Variants in SOX5 observed in about 807,000 individuals in gnomAD.
SOX5 encodes the protein SRY-box transcription factor 5, also known as transcription factor SOX-5.
Under a neutral mutation model 92.0 loss-of-function variants are expected in SOX5, and 9 were observed. The observed-to-expected ratio is 0.10, with a 90% CI of 0.06 to 0.17. The LOEUF (loss-of-function observed/expected upper bound fraction) is 0.17. SOX5 is among the 10% of genes least tolerant of loss of function. The pLI is 1.00. For synonymous variants in SOX5, 344 were observed against 336.3 expected (o/e 1.02, Z -0.25); for missense variants, 642 against 944.5 (o/e 0.68, Z 4.20).
intron 1 of SOX5, among the ~76,000 whole-genome samples, chr12:24,539,126 C>T (rs1045736946): frequency 6.6e-6 from 1 of 151,864 alleles, no homozygotes; most frequent in Non-Finnish European, 1.5e-5. Context: ...TTTACAAAAA[C>T]AAATTAGCCA....
chr12:24,087,245 T>C (rs4963744), intron 4 of SOX5, among the ~76,000 whole-genome samples: 31,707 of 151,886 alleles, frequency 0.21, 3,872 homozygotes, highest in Middle Eastern at 0.37. Flanking sequence ...TTCCAGGAAT[T>C]GCCAAAATTT....
At chr12:24,551,928 C>T (rs941387976) in intron 1 of SOX5, among the ~76,000 whole-genome samples, 1 of 152,174 alleles carries the variant, frequency 6.6e-6, no homozygotes, top group African/African-American at 2.4e-5. Context: ...TCTTTAGGCA[C>T]CCACTATGTC....
At chr12:23,588,963 G>T (rs1951137346) in intron 9 of SOX5, among the ~76,000 whole-genome samples, 1 of 151,904 alleles carries the variant, frequency 6.6e-6, no homozygotes, top group African/African-American at 2.4e-5. Context: ...CAGCCTAGAA[G>T]TAATAGGCTG....
chr12:23,621,846 A>C (rs1037340478), intron 8 of SOX5, among the ~76,000 whole-genome samples: 1 of 152,148 alleles, frequency 6.6e-6, no homozygotes, highest in African/African-American at 2.4e-5. Context: ...TTTGCTAGTC[A>C]CACCGTAAAA....
At chr12:24,506,991 C>T (rs1948852363) in intron 1 of SOX5, among the ~76,000 whole-genome samples, 1 of 151,720 alleles carries the variant, frequency 6.6e-6, no homozygotes, top group South Asian at 2.1e-4. Flanking sequence ...GGGGTTTCAC[C>T]TTGTTAGCCA....
At chr12:24,340,879 G>A (rs1013785285) in intron 2 of SOX5, among the ~76,000 whole-genome samples, 7 of 152,096 alleles carry the variant, frequency 4.6e-5, no homozygotes, top group Admixed American at 1.3e-4. Flanking sequence ...TCATTTTGAC[G>A]AAGTGCACAT....
intron 3 of SOX5, among the ~76,000 whole-genome samples, chr12:23,834,158 A>T (rs1325510228): frequency 6.6e-6 from 1 of 151,998 alleles, no homozygotes; most frequent in Non-Finnish European, 1.5e-5. Flanking sequence ...ATAAAAATTC[A>T]TCAGGTAGGT....
intron 3 of SOX5, among the ~76,000 whole-genome samples, chr12:24,240,595 C>T (rs779633135): frequency 1.7e-4 from 26 of 152,054 alleles, no homozygotes; most frequent in Non-Finnish European, 3.5e-4. Flanking sequence ...ATTGAGGTAC[C>T]CTTTTCCCTC....
intron 4 of SOX5, among the ~76,000 whole-genome samples, chr12:24,038,442 G>C (rs1466890778): frequency 6.6e-6 from 1 of 152,134 alleles, no homozygotes; most frequent in Non-Finnish European, 1.5e-5. Context: ...GACTGGGCTT[G>C]GGAAGTTCCC....
intron 9 of SOX5, among the ~76,000 whole-genome samples, chr12:23,597,284 C>T (rs149066975): frequency 8.5e-4 from 129 of 152,290 alleles, no homozygotes; most frequent in African/African-American, 2.9e-3. Context: ...TTTCATTTAA[C>T]GCTGAGATTA....
chr12:24,060,059 G>C (rs147219678), intron 4 of SOX5, among the ~76,000 whole-genome samples: 34 of 152,302 alleles, frequency 2.2e-4, no homozygotes, highest in African/African-American at 7.5e-4. Context: ...TTTGTGCCTA[G>C]AGTAAATCAG....
chr12:23,589,542 G>A (rs1351094453), intron 9 of SOX5, among the ~76,000 whole-genome samples: 10 of 151,740 alleles, frequency 6.6e-5, no homozygotes, highest in African/African-American at 2.4e-4. Flanking sequence ...ATCAGAACCA[G>A]GGCAAAAAGA....
chr12:24,455,187 T>A (rs1335077104), intron 1 of SOX5, among the ~76,000 whole-genome samples: 1 of 152,126 alleles, frequency 6.6e-6, no homozygotes, highest in Non-Finnish European at 1.5e-5. Flanking sequence ...GGTTAATCCA[T>A]TGCACAGGAG....
intron 2 of SOX5, among the ~76,000 whole-genome samples, chr12:23,868,673 T>A (rs2096841241): frequency 6.6e-6 from 1 of 152,050 alleles, no homozygotes; most frequent in South Asian, 2.1e-4. Context: ...CTTGGAGGGA[T>A]TTTCTTAAAC....
At chr12:23,981,562 A>C (rs769135511) in intron 4 of SOX5, among the ~76,000 whole-genome samples, 2 of 152,176 alleles carry the variant, frequency 1.3e-5, no homozygotes, top group Non-Finnish European at 2.9e-5. Context: ...ACACATATGC[A>C]CTTATGAAGA....
At chr12:23,766,325 A>G (rs2094724954) in intron 3 of SOX5, among the ~76,000 whole-genome samples, 1 of 152,164 alleles carries the variant, frequency 6.6e-6, no homozygotes, top group African/African-American at 2.4e-5. Context: ...AATTAGTTCA[A>G]CATACAGTAT....
chr12:24,286,660 C>T (rs1271174379), intron 2 of SOX5, among the ~76,000 whole-genome samples: 1 of 152,158 alleles, frequency 6.6e-6, no homozygotes, highest in East Asian at 1.9e-4. Flanking sequence ...GCCTCAGCCT[C>T]CCAAAGTGCC....
chr12:23,960,741 A>ATTG (rs1240040025), intron 4 of SOX5, among the ~76,000 whole-genome samples: 7 of 151,712 alleles, frequency 4.6e-5, no homozygotes, highest in Non-Finnish European at 7.4e-5. Flanking sequence ...CTGAACACCA[A>ATTG]TTCATATAGT....
chr12:24,358,876 T>C (rs1955184490), intron 2 of SOX5, among the ~76,000 whole-genome samples: 3 of 152,250 alleles, frequency 2.0e-5, no homozygotes, highest in Non-Finnish European at 4.4e-5. Context: ...TTATTAAGCA[T>C]TTATTTATAG....
Sources: gnomAD v4.1 joint callset for allele counts (sites outside exome capture counted in the v4.1 genomes callset) on GRCh38, gnomAD v4.1.1 for gene constraint, MANE v1.5 for transcripts, NCBI Gene and HGNC (gene_info 2026-07-23, HGNC 2026-07-21) for gene names.